RFC1: variants seen among roughly 807,000 people sequenced by gnomAD.
RFC1 encodes A1 140 kDa subunit.
In RFC1, 37 loss-of-function variants were observed where a neutral mutation model predicts 137.4. The ratio of observed to expected loss-of-function variants is 0.27; its 90% CI spans 0.21 to 0.35. The LOEUF is 0.35. Ranked by LOEUF, RFC1 falls within the 10% of genes least tolerant of loss-of-function variation. The probability of loss-of-function intolerance (pLI) is 1.00; values close to 1 mark genes in which losing one functional copy is unlikely to be tolerated. For missense variants in RFC1, 1,205 were observed against 1,358.5 expected (o/e 0.89, Z 1.78); for synonymous variants, 429 against 455.7 (o/e 0.94, Z 0.75).
At position 39,308,870 on chromosome 4, in the gene RFC1, T is replaced by C; in HGVS notation, c.1651A>G (p.Lys551Glu). 5.6e-6 allele frequency: 9 copies of C among 1,614,208 alleles called. No homozygotes were observed. Among genetic ancestry groups the C allele is most frequent in the Non-Finnish European group, 7.6e-6 (9 of 1,180,038 alleles). The change falls in exon 13 of 25, where the codon AAA becomes GAA. Residue 551 changes from lysine (K) to glutamate (E), a missense_variant. By Grantham distance (56) the Lys-to-Glu change is moderately conservative. Around this residue, in one of 3 missense-constraint regions of RFC1, gnomAD observed 962 missense variants for 1,035.3 expected, o/e 0.93. Coordinates refer to ENST00000349703, the MANE Select transcript of RFC1 (RefSeq NM_002913.5). ...TIKKETDVFW[K>E]SLDFKEQVAE... is the part of the protein sequence containing the mutation. ...ACCTGCTCCTTGAAATCCAGGCTTTTCCAAAACACATCTGTTTCCTTTTTT... is the reference window on the plus strand; with the variant it reads ...ACCTGCTCCTTGAAATCCAGGCTTTCCCAAAACACATCTGTTTCCTTTTTT...
Position 39,288,774 on chromosome 4 carries a change from CT to C in RFC1, c.3430del (p.Ser1144ValfsTer10). 6.2e-7 allele frequency: 1 copy of C among 1,610,548 alleles called. No individual in the cohort carries two copies. Among genetic ancestry groups the C allele is most frequent in the Admixed American group, 1.7e-5 (1 of 59,780 alleles). The part of the protein sequence containing the change: ...DKEPRKGKGK[S>X]SKK ...TGAAAAATGGTTTCATTTCTTCGAA[CT>C]TTTTCCTTTTCCTTTTCTGGGCTCC... On this transcript the variant is annotated frameshift_variant, in exon 25 of 25. Coordinates refer to ENST00000349703, the MANE Select transcript of RFC1 (RefSeq NM_002913.5). LOFTEE classifies it high-confidence loss of function.
chr4:39,317,955 G>C (rs936272815), intron 9 of RFC1: 4 of 152,354 alleles, frequency 2.6e-5, no homozygotes, highest in Admixed American at 2.0e-4. Flanking sequence ...AGGAGATCGA[G>C]ACCATCCTGG....
At position 39,312,762 on chromosome 4, in the gene RFC1, T is replaced by C; in HGVS notation, c.1373A>G (p.Lys458Arg). Residue 458 changes from lysine to arginine, a missense_variant, in exon 11 of 25, where the codon AAG (lysine) becomes AGG (arginine). Transcript: ENST00000349703. The part of the protein sequence containing the change: ...LVMGRDSGQS[K>R]SDKAAALGTK... The stretch of plus-strand genomic sequence containing the variant: ...CAAAGCAGTACCCACCTTATCACTC[T>C]TGGACTGTCCACTATCACGACCCAT... 1 of 1,614,112 alleles carries C rather than the reference T, an allele frequency of 6.2e-7. No homozygotes were observed. The highest frequency in any genetic ancestry group is 8.5e-7 in the Non-Finnish European group (1 of 1,179,980).
At chr4:39,298,435 T>C (rs1738155121) in intron 21 of RFC1, among the ~76,000 whole-genome samples, 1 of 152,186 alleles carries the variant, frequency 6.6e-6, no homozygotes, top group Non-Finnish European at 1.5e-5. Flanking sequence ...ACTTATTTTA[T>C]TACTCAGGCC....
intron 17 of RFC1, 28 bp from the exon 18 acceptor site, chr4:39,302,623 A>G (rs77566805): frequency 1.3e-6 from 2 of 1,526,666 alleles, no homozygotes; most frequent in Non-Finnish European, 8.9e-7. Context: ...GGAGTCCTCA[A>G]TGATTTTTAA....
chr4:39,319,053 T>C (rs1042700068), intron 9 of RFC1, among the ~76,000 whole-genome samples: 4 of 152,220 alleles, frequency 2.6e-5, no homozygotes, highest in African/African-American at 9.6e-5. Context: ...ATAATTTCAG[T>C]ATCGCAACAC....
chr4:39,295,381 T>G (rs1280652555), intron 22 of RFC1, among the ~76,000 whole-genome samples: 2 of 152,190 alleles, frequency 1.3e-5, no homozygotes, highest in Non-Finnish European at 2.9e-5. Context: ...AATTATGACA[T>G]CTACCATTTT....
rs1741217370 is a variant in RFC1 at position 39,351,744 on chromosome 4, T to A, written c.4-268A>T. 2.0e-5 allele frequency among the ~76,000 whole-genome samples: 3 copies of A among 151,992 alleles called. No homozygotes were observed. In the South Asian group the frequency reaches 6.2e-4, roughly 32 times the overall value. Reference sequence around the variant, plus strand: ...TGGGAGGCCGAGGTGGGTGGATCACTTGAGGTCAGGAGTTCGAGACCAGCC... The same window carrying A: ...TGGGAGGCCGAGGTGGGTGGATCACATGAGGTCAGGAGTTCGAGACCAGCC... On this transcript the variant is annotated intron_variant, in intron 1 of 24. Coordinates refer to ENST00000349703, the MANE Select transcript of RFC1 (RefSeq NM_002913.5).
chr4:39,288,882 GT>G, intron 24 of RFC1, 38 bp from the exon 25 acceptor site: 1 of 1,216,792 alleles, frequency 8.2e-7, no homozygotes, highest in Non-Finnish European at 1.2e-6. Flanking sequence ...TAATAGCTGT[GT>G]TTATGAGTAA....
intron 1 of RFC1, chr4:39,365,449 T>G: frequency 2.2e-5 from 22 of 984,256 alleles, no homozygotes; most frequent in Non-Finnish European, 2.7e-5. Flanking sequence ...CAGAGCCATA[T>G]CCATTGCCAT....
At chr4:39,309,090 T>A (rs891608678) in intron 12 of RFC1, 58 bp from the exon 13 acceptor site, 40 of 1,523,380 alleles carry the variant, frequency 2.6e-5, no homozygotes, top group Non-Finnish European at 3.4e-5. Context: ...AGAATTTCTA[T>A]CCTGCTAAAC....
At chr4:39,359,281 A>C (rs1367342266) in intron 1 of RFC1, among the ~76,000 whole-genome samples, 1 of 152,188 alleles carries the variant, frequency 6.6e-6, no homozygotes, top group Non-Finnish European at 1.5e-5. Context: ...CCATGCAATG[A>C]TTTGAGCACT....
chr4:39,296,104 A>G (rs1290948721), intron 21 of RFC1, among the ~76,000 whole-genome samples: 2 of 152,196 alleles, frequency 1.3e-5, no homozygotes, highest in African/African-American at 4.8e-5. Context: ...GATGGTCTTT[A>G]ACATAAATGA....
intron 4 of RFC1, among the ~76,000 whole-genome samples, chr4:39,332,072 G>A (rs935708816): frequency 6.6e-6 from 1 of 152,196 alleles, no homozygotes; most frequent in Non-Finnish European, 1.5e-5. Flanking sequence ...GCCGACACTT[G>A]AGACGTGCCT....
chr4:39,294,264 A>C (rs990321239), intron 22 of RFC1, among the ~76,000 whole-genome samples: 1 of 152,358 alleles, frequency 6.6e-6, no homozygotes, highest in Middle Eastern at 3.4e-3. Flanking sequence ...GAAAAAAGGA[A>C]CTAGCTCAGG....
rs941829262 is a variant in RFC1, at chr4:39,304,900, T to C, written c.2024A>G (p.Asn675Ser). ...QELGYSYVEL[N>S]ASDTRSKSSL... is the part of the protein sequence containing the mutation. ...GCTCTTACTCCGGGTGTCACTTGCA[T>C]TCAGTTCCACGTAGCTGTATCCCAA... The change falls in exon 15 of 25, where the codon AAT becomes AGT. Residue 675 changes from asparagine (N) to serine (S), a missense_variant. Physicochemically the swap from Asn to Ser is conservative, Grantham distance 46. Transcript: ENST00000349703. The C allele has an allele frequency of 1.2e-6, 2 of 1,612,848 alleles. No homozygotes were observed. The highest frequency in any genetic ancestry group is 1.7e-6 in the Non-Finnish European group (2 of 1,178,868).
At chr4:39,305,380 A>T (rs1282171670) in intron 14 of RFC1, among the ~76,000 whole-genome samples, 1 of 152,132 alleles carries the variant, frequency 6.6e-6, no homozygotes, top group Non-Finnish European at 1.5e-5. Context: ...TCCAAAGTGG[A>T]TGGATTAATT....
chr4:39,356,857 C>A (rs980804379), intron 1 of RFC1, among the ~76,000 whole-genome samples: 3 of 152,204 alleles, frequency 2.0e-5, no homozygotes, highest in Non-Finnish European at 4.4e-5. Context: ...GTCTCAAAAA[C>A]TTCTCTGAGG....
intron 4 of RFC1, among the ~76,000 whole-genome samples, chr4:39,333,889 A>G (rs1302321220): frequency 1.3e-5 from 2 of 152,206 alleles, no homozygotes; most frequent in Non-Finnish European, 2.9e-5. Flanking sequence ...TCTCCAAAGA[A>G]AAAATATGGG....
Sources: allele counts gnomAD v4.1 joint callset (sites outside exome capture counted in the v4.1 genomes callset), GRCh38; gene constraint gnomAD v4.1.1; regional missense constraint gnomAD v4.1.1; transcripts MANE v1.5; gene names NCBI Gene and HGNC (gene_info 2026-07-23, HGNC 2026-07-21).